FHIT: variants seen among roughly 807,000 people sequenced by gnomAD.
FHIT encodes the protein bis(5'-adenosyl)-triphosphatase.
A neutral mutation model predicts 17.9 loss-of-function variants in FHIT; 19 were observed. That is an observed-to-expected ratio of 1.06 (90% CI 0.74 to 1.56). The LOEUF is 1.56. Ranked by LOEUF, FHIT falls within the 40% of genes most tolerant of loss-of-function variation. FHIT has a pLI of 0.00. For missense variants in FHIT, 248 were observed against 189.2 expected, an observed-to-expected ratio of 1.31 and a Z score of -1.82; for synonymous variants, 81 against 69.7, an observed-to-expected ratio of 1.16 and a Z score of -0.81.
At chr3:60,080,289 G>T (rs1384822164) in intron 5 of FHIT, among the ~76,000 whole-genome samples, 1 of 152,104 alleles carries the variant, frequency 6.6e-6, no homozygotes, top group Non-Finnish European at 1.5e-5. Flanking sequence ...GGTTGTGCTT[G>T]TGTATGGGGG....
chr3:60,163,648 G>A (rs1342710958), intron 5 of FHIT, among the ~76,000 whole-genome samples: 1 of 152,146 alleles, frequency 6.6e-6, no homozygotes, highest in African/African-American at 2.4e-5. Flanking sequence ...AGATTTCTAT[G>A]GTTTACAGCA....
At chr3:59,976,113 T>C (rs1189682788) in intron 7 of FHIT, among the ~76,000 whole-genome samples, 8 of 152,076 alleles carry the variant, frequency 5.3e-5, no homozygotes, top group African/African-American at 1.4e-4. Context: ...TCTTATCCCA[T>C]AGGGTTGCCA....
intron 7 of FHIT, among the ~76,000 whole-genome samples, chr3:59,934,352 A>G (rs935251707): frequency 5.9e-5 from 9 of 152,142 alleles, no homozygotes; most frequent in African/African-American, 1.9e-4. Flanking sequence ...CAGCCTAGTA[A>G]AAGTTCTAAG....
chr3:61,222,519 T>C (rs911528928), intron 1 of FHIT, among the ~76,000 whole-genome samples: 2 of 152,174 alleles, frequency 1.3e-5, no homozygotes, highest in Non-Finnish European at 2.9e-5. Flanking sequence ...TGCAGACAGT[T>C]CTAGCAGCGT....
At chr3:59,807,277 T>A (rs966497056) in intron 8 of FHIT, among the ~76,000 whole-genome samples, 6 of 152,130 alleles carry the variant, frequency 3.9e-5, no homozygotes, top group Non-Finnish European at 4.4e-5. Context: ...ACATTGCGGG[T>A]TGGGGTGCGG....
At chr3:60,796,025 A>G (rs1700969356) in intron 4 of FHIT, among the ~76,000 whole-genome samples, 1 of 152,170 alleles carries the variant, frequency 6.6e-6, no homozygotes, top group South Asian at 2.1e-4. Flanking sequence ...CACTTCTTAC[A>G]TGGTGGCAGC....
intron 1 of FHIT, among the ~76,000 whole-genome samples, chr3:61,211,306 C>A (rs563559002): frequency 0.012 from 1,597 of 127,854 alleles, 13 homozygotes; most frequent in Middle Eastern, 0.067. Flanking sequence ...CACCCTAATA[C>A]TGCACTTTTC....
chr3:60,921,381 T>G (rs1707271169), intron 3 of FHIT, among the ~76,000 whole-genome samples: 1 of 152,178 alleles, frequency 6.6e-6, no homozygotes, highest in African/African-American at 2.4e-5. Flanking sequence ...CTGGGTTGAT[T>G]ATCAAGAGTG....
chr3:60,579,338 A>G (rs1223364719), intron 4 of FHIT, among the ~76,000 whole-genome samples: 1 of 152,186 alleles, frequency 6.6e-6, no homozygotes, highest in Non-Finnish European at 1.5e-5. Context: ...ATATTTGTGT[A>G]TCTAAATATA....
chr3:60,564,459 C>A (rs1200001072), intron 4 of FHIT, among the ~76,000 whole-genome samples: 1 of 152,158 alleles, frequency 6.6e-6, no homozygotes, highest in Non-Finnish European at 1.5e-5. Flanking sequence ...AAGGCTATAA[C>A]TGTCATGGAC....
chr3:60,659,653 A>G (rs1735451), intron 4 of FHIT, among the ~76,000 whole-genome samples: 119,714 of 151,786 alleles, frequency 0.79, 47,664 homozygotes, highest in East Asian at 0.85. Flanking sequence ...TGATGTTGCT[A>G]GTTAGTTCAT....
chr3:60,818,626 C>T (rs1553738365), intron 4 of FHIT, among the ~76,000 whole-genome samples: 2 of 152,136 alleles, frequency 1.3e-5, no homozygotes, highest in Admixed American at 6.5e-5. Context: ...GAAATGTTCT[C>T]CTTCATCTCT....
intron 5 of FHIT, among the ~76,000 whole-genome samples, chr3:60,233,163 T>G (rs1189834018): frequency 1.3e-5 from 2 of 152,136 alleles, no homozygotes; most frequent in African/African-American, 4.8e-5. Flanking sequence ...TTATAACATT[T>G]TTATAATAAA....
intron 8 of FHIT, among the ~76,000 whole-genome samples, chr3:59,858,584 G>A (rs187724772): frequency 1.3e-5 from 2 of 152,038 alleles, no homozygotes; most frequent in East Asian, 3.9e-4. Context: ...AGCGAGGGGT[G>A]TCTTGTGGAG....
intron 5 of FHIT, among the ~76,000 whole-genome samples, chr3:60,264,840 G>T (rs2107616347): frequency 6.7e-6 from 1 of 148,518 alleles, no homozygotes; most frequent in Admixed American, 6.7e-5. Flanking sequence ...TCACCTCACT[G>T]TTTCTCAATC....
At chr3:60,614,806 G>GTTGTTTTTTTT (rs1197420518) in intron 4 of FHIT, among the ~76,000 whole-genome samples, 19 of 65,664 alleles carry the variant, frequency 2.9e-4, no homozygotes, top group East Asian at 2.2e-3. Context: ...AATTGCAAAA[G>GTTGTTTTTTTT]TTGTTTTTTT....
In FHIT at chr3:60,021,398, G is replaced by A. The variant is rs537735209; in HGVS notation, c.104-7246C>T. Among the ~76,000 whole-genome samples, 3 of 152,290 alleles carry A rather than the reference G, an allele frequency of 2.0e-5. No individual in the cohort carries two copies. The South Asian group carries it at 6.2e-4, about 32-fold the overall frequency. On this transcript the variant is annotated intron_variant, in intron 5 of 9. Coordinates refer to ENST00000492590, the MANE Select transcript of FHIT (RefSeq NM_002012.4). The stretch of plus-strand genomic sequence containing the variant: ...AGAAAGTAAATTGACAGGGGAGTCC[G>A]CAGCCCGATAGCATTCTGGTACAGA...
intron 5 of FHIT, among the ~76,000 whole-genome samples, chr3:60,326,510 A>G (rs1318022909): frequency 6.6e-6 from 1 of 152,094 alleles, no homozygotes; most frequent in Non-Finnish European, 1.5e-5. Flanking sequence ...GCGGCTGTAA[A>G]GACAGATGAA....
At chr3:60,621,144 A>ATT (rs11370683) in intron 4 of FHIT, among the ~76,000 whole-genome samples, 1,378 of 95,060 alleles carry the variant, frequency 0.014, 39 homozygotes, top group Admixed American at 0.029. Flanking sequence ...TCTACTTTTG[A>ATT]TTTTTTTTTT....
Sources: allele counts gnomAD v4.1 joint callset (sites outside exome capture counted in the v4.1 genomes callset), GRCh38; gene constraint gnomAD v4.1.1; transcripts MANE v1.5; gene names NCBI Gene and HGNC (gene_info 2026-07-23, HGNC 2026-07-21).